ATAD2: variants seen among roughly 807,000 people sequenced by gnomAD.
ATAD2 encodes the protein ATPase family AAA domain containing 2, also known as ATPase family AAA domain-containing protein 2.
A neutral mutation model predicts 168.9 loss-of-function variants in ATAD2; 62 were observed. That is an observed-to-expected ratio of 0.37 (90% CI 0.30 to 0.45). ATAD2 has a LOEUF of 0.45. ATAD2 is among the 20% of genes least tolerant of loss of function. The pLI is 1.00. For synonymous variants in ATAD2, 613 were observed against 571.6 expected (o/e 1.07, Z -1.03); for missense variants, 1,419 against 1,667.8 (o/e 0.85, Z 2.60).
intron 24 of ATAD2, among the ~76,000 whole-genome samples, chr8:123,332,573 G>C (rs1357602782): frequency 1.3e-5 from 2 of 152,042 alleles, no homozygotes; most frequent in African/African-American, 4.8e-5. Context: ...AACATTGTTT[G>C]GGAGGTTCAT....
At chr8:123,366,426 A>G (rs1828980225) in intron 8 of ATAD2, among the ~76,000 whole-genome samples, 1 of 152,224 alleles carries the variant, frequency 6.6e-6, no homozygotes, top group Non-Finnish European at 1.5e-5. Flanking sequence ...TACCCAGAGG[A>G]AAATAACTTA....
chr8:123,396,495 C>T, upstream of ATAD2: 1 of 874,810 alleles, frequency 1.1e-6, no homozygotes, highest in African/African-American at 1.7e-5. Flanking sequence ...CGCCCAGAAT[C>T]CCTCCGCCGT....
At chr8:123,368,784 C>T (rs1247193689) in intron 8 of ATAD2, among the ~76,000 whole-genome samples, 3 of 152,060 alleles carry the variant, frequency 2.0e-5, no homozygotes, top group Non-Finnish European at 4.4e-5. Flanking sequence ...TACAGTAAAC[C>T]CTGAGTCTAA....
At chr8:123,398,537 A>C (rs965024340), upstream of ATAD2, among the ~76,000 whole-genome samples, 3 of 151,920 alleles carry the variant, frequency 2.0e-5, no homozygotes, top group Non-Finnish European at 4.4e-5. Context: ...AGGAAGACAG[A>C]TTATTGTTCT....
intron 1 of ATAD2, among the ~76,000 whole-genome samples, chr8:123,404,699 T>C (rs1237205635): frequency 6.6e-6 from 1 of 152,102 alleles, no homozygotes; most frequent in Non-Finnish European, 1.5e-5. Context: ...CCAGAGTAGC[T>C]GGGATTACAG....
intron 1 of ATAD2, among the ~76,000 whole-genome samples, chr8:123,389,406 A>G (rs979939184): frequency 2.7e-5 from 4 of 148,782 alleles, no homozygotes; most frequent in South Asian, 4.4e-4. Flanking sequence ...TTGGGAGGCC[A>G]AGGCGGGCGG....
At chr8:123,409,834 G>A (rs1020615294) in intron 1 of ATAD2, among the ~76,000 whole-genome samples, 1 of 151,270 alleles carries the variant, frequency 6.6e-6, no homozygotes, top group Non-Finnish European at 1.5e-5. Context: ...TACTCGGGAG[G>A]CTGAGGCAGG....
At chr8:123,374,217 C>T (rs561203790) in intron 2 of ATAD2, among the ~76,000 whole-genome samples, 61 of 152,076 alleles carry the variant, frequency 4.0e-4, no homozygotes, top group African/African-American at 1.3e-3. Flanking sequence ...AAACCAAAAC[C>T]AGTCAGGTGC....
In ATAD2 at chr8:123,348,288, A is replaced by G. The variant is rs780245795; in HGVS notation, c.1807-15T>C. The G allele has an allele frequency of 3.2e-5, 49 of 1,516,466 alleles. No homozygotes were observed. The highest frequency in any genetic ancestry group is 2.1e-4 in the South Asian group (17 of 81,902). 93.9% of individuals were successfully genotyped at this position (1,516,466 alleles called of 1,614,324 possible). On this transcript the variant is annotated splice_polypyrimidine_tract_variant and intron_variant, in intron 14 of 27. Transcript: ENST00000287394. Reference sequence around the variant, plus strand: ...TCTTTTCGAGCCTATGAATAAAAACAATTTAATTTTTTACAACTATAATAA... The same window carrying G: ...TCTTTTCGAGCCTATGAATAAAAACGATTTAATTTTTTACAACTATAATAA...
chr8:123,352,635 G>A (rs985307585), intron 13 of ATAD2: 3 of 151,066 alleles, frequency 2.0e-5, no homozygotes, highest in African/African-American at 4.9e-5. Flanking sequence ...AGTTTTGGTT[G>A]CACTGGAAAG....
intron 10 of ATAD2, 110 bp from the exon 11 acceptor site, chr8:123,359,446 G>A (rs1389409167): frequency 4.1e-6 from 5 of 1,226,832 alleles, no homozygotes; most frequent in Non-Finnish European, 5.8e-6. Context: ...GTGACCTGAA[G>A]ATTAACAGAA....
chr8:123,329,128 C>A (rs79817316), intron 24 of ATAD2, among the ~76,000 whole-genome samples: 8,123 of 152,096 alleles, frequency 0.053, 702 homozygotes, highest in African/African-American at 0.19. Context: ...ATCTTGAATA[C>A]TTTTAAGGAG....
At chr8:123,352,592 G>A (rs1325502447) in intron 13 of ATAD2, 1 of 151,982 alleles carries the variant, frequency 6.6e-6, no homozygotes, top group Non-Finnish European at 1.5e-5. Flanking sequence ...AGAACTCCAA[G>A]TTCTGAATAA....
intron 19 of ATAD2, 90 bp downstream of exon 19, chr8:123,344,794 A>G (rs772588587): frequency 7.2e-7 from 1 of 1,381,616 alleles, no homozygotes; most frequent in Non-Finnish European, 1.0e-6. Flanking sequence ...ATTCACTTCT[A>G]CAGCATTTGA....
At chr8:123,364,905 A>G (rs1828926439) in intron 8 of ATAD2, among the ~76,000 whole-genome samples, 1 of 152,222 alleles carries the variant, frequency 6.6e-6, no homozygotes, top group Non-Finnish European at 1.5e-5. Flanking sequence ...TATTCAACAT[A>G]GTACTGGAAG....
At chr8:123,395,721 G>A (rs1403787808) in intron 1 of ATAD2, among the ~76,000 whole-genome samples, 1 of 152,118 alleles carries the variant, frequency 6.6e-6, no homozygotes, top group Non-Finnish European at 1.5e-5. Flanking sequence ...CGTTAATGGA[G>A]GTCAGAGAAC....
intron 21 of ATAD2, 42 bp downstream of exon 21, chr8:123,337,583 T>C: frequency 1.3e-6 from 2 of 1,498,814 alleles, no homozygotes; most frequent in Non-Finnish European, 1.8e-6. Context: ...TTGTGAAGCA[T>C]TATGGCCTAG....
Position 123,371,260 on chromosome 8 carries a change from CAA to C in ATAD2, c.613_614del (p.Leu205GlyfsTer4). The C allele has an allele frequency of 6.2e-7, 1 of 1,608,564 alleles. No individual in the cohort carries two copies. The highest frequency in any genetic ancestry group is 8.5e-7 in the Non-Finnish European group (1 of 1,177,892). On this transcript the variant is annotated frameshift_variant, in exon 5 of 28. Coordinates refer to ENST00000287394, the MANE Select transcript of ATAD2 (RefSeq NM_014109.4). LOFTEE classifies it high-confidence loss of function. ...RRQRMRELED[L>X]GVFNETEESN... ...CTTCTTCTGTTTCATTAAACACTCC[CAA>C]GTCTTCAAGTTCTCTCATTCGCTGT...
intron 19 of ATAD2, 96 bp downstream of exon 19, chr8:123,344,788 A>C: frequency 7.5e-7 from 1 of 1,334,054 alleles, no homozygotes; most frequent in Non-Finnish European, 1.1e-6. Context: ...CCTTTTATTC[A>C]CTTCTACAGC....
Sources: allele counts gnomAD v4.1 joint callset (sites outside exome capture counted in the v4.1 genomes callset), GRCh38; gene constraint gnomAD v4.1.1; transcripts MANE v1.5; gene names NCBI Gene and HGNC (gene_info 2026-07-23, HGNC 2026-07-21).